The following MEIKIN variants were observed in gnomAD, a reference collection of about 807,000 sequenced individuals.
The protein encoded by MEIKIN is meiotic kinetochore factor, also known as meiosis-specific kinetochore protein.
intron 11 of MEIKIN, among the ~76,000 whole-genome samples, chr5:131,832,730 C>A (rs185342117): frequency 1.2e-3 from 179 of 152,336 alleles, no homozygotes; most frequent in African/African-American, 4.2e-3. Context: ...CTTCTGTGCA[C>A]CCACAGGCTC....
At chr5:131,839,407 T>C (rs973263714) in intron 11 of MEIKIN, among the ~76,000 whole-genome samples, 1 of 152,288 alleles carries the variant, frequency 6.6e-6, no homozygotes, top group Non-Finnish European at 1.5e-5. Context: ...TAAATATCTT[T>C]GTTAATTTTT....
At chr5:131,873,327 A>G (rs905006099) in intron 9 of MEIKIN, among the ~76,000 whole-genome samples, 10 of 152,216 alleles carry the variant, frequency 6.6e-5, no homozygotes, top group Non-Finnish European at 1.0e-4. Flanking sequence ...ATGGAAAACA[A>G]AAAAAGGCAG....
chr5:131,814,759 G>C (rs1342567176), intron 12 of MEIKIN, among the ~76,000 whole-genome samples: 7 of 152,180 alleles, frequency 4.6e-5, no homozygotes, highest in Non-Finnish European at 1.0e-4. Context: ...TCAGAACAGG[G>C]CTGGGGAAAG....
intron 5 of MEIKIN, among the ~76,000 whole-genome samples, chr5:131,930,056 G>C (rs1751661099): frequency 6.6e-6 from 1 of 152,116 alleles, no homozygotes; most frequent in Non-Finnish European, 1.5e-5. Flanking sequence ...GGATTGTTGG[G>C]TCAAATGATA....
intron 10 of MEIKIN, among the ~76,000 whole-genome samples, chr5:131,852,472 C>A (rs923898408): frequency 2.0e-5 from 3 of 152,068 alleles, no homozygotes; most frequent in Admixed American, 6.5e-5. Context: ...CAGACTAATA[C>A]ATAGGTCATA....
intron 11 of MEIKIN, among the ~76,000 whole-genome samples, chr5:131,837,244 G>A (rs1488532047): frequency 6.6e-6 from 1 of 152,140 alleles, no homozygotes; most frequent in Non-Finnish European, 1.5e-5. Context: ...CCAGTACAAT[G>A]CTGTTTTGGT....
intron 4 of MEIKIN, among the ~76,000 whole-genome samples, chr5:131,936,058 C>G (rs983209791): frequency 5.3e-5 from 8 of 152,064 alleles, no homozygotes; most frequent in African/African-American, 1.4e-4. Flanking sequence ...TCATGAATAC[C>G]CCTCATAGCT....
At chr5:131,904,134 A>G (rs948996606) in intron 8 of MEIKIN, among the ~76,000 whole-genome samples, 3 of 152,204 alleles carry the variant, frequency 2.0e-5, no homozygotes, top group Non-Finnish European at 2.9e-5. Flanking sequence ...TCCTAAATAT[A>G]TATGCACCTA....
chr5:131,941,230 C>T, intron 4 of MEIKIN, among the ~76,000 whole-genome samples: 1 of 120,088 alleles, frequency 8.3e-6, no homozygotes, highest in Non-Finnish European at 1.6e-5. Flanking sequence ...ACAATCTTGG[C>T]TCACTGCAAC....
intron 9 of MEIKIN, among the ~76,000 whole-genome samples, chr5:131,858,715 A>C (rs1183500237): frequency 2.6e-5 from 4 of 152,256 alleles, no homozygotes; most frequent in African/African-American, 9.6e-5. Flanking sequence ...AGGATATATA[A>C]GGAACTTAAA....
chr5:131,927,341 T>G (rs1173141328), intron 5 of MEIKIN, among the ~76,000 whole-genome samples: 1 of 152,250 alleles, frequency 6.6e-6, no homozygotes, highest in Non-Finnish European at 1.5e-5. Flanking sequence ...ATACTTGGTA[T>G]GTTTTCAGTC....
At chr5:131,890,974 A>G (rs1750902751) in intron 8 of MEIKIN, among the ~76,000 whole-genome samples, 1 of 152,126 alleles carries the variant, frequency 6.6e-6, no homozygotes, top group Non-Finnish European at 1.5e-5. Flanking sequence ...TTCGTTATGT[A>G]CCCAGTAGTC....
intron 11 of MEIKIN, among the ~76,000 whole-genome samples, chr5:131,831,167 G>A (rs1749709992): frequency 6.6e-6 from 1 of 152,156 alleles, no homozygotes; most frequent in Admixed American, 6.5e-5. Flanking sequence ...CAAAGTGCTG[G>A]GATTACAGGC....
chr5:131,862,721 G>T (rs1286949369), intron 9 of MEIKIN, among the ~76,000 whole-genome samples: 1 of 151,972 alleles, frequency 6.6e-6, no homozygotes, highest in African/African-American at 2.4e-5. Context: ...TAAAAGACAA[G>T]GTCTTAACTT....
intron 11 of MEIKIN, among the ~76,000 whole-genome samples, chr5:131,828,702 T>TTA (rs1422205471): frequency 6.6e-6 from 1 of 152,152 alleles, no homozygotes; most frequent in Non-Finnish European, 1.5e-5. Flanking sequence ...TTCTACCACA[T>TTA]TATATAGAAA....
chr5:131,900,844 G>C lies in MEIKIN; in HGVS notation c.703+10971C>G, dbSNP rs76534877. 5.5e-3 allele frequency among the ~76,000 whole-genome samples: 832 copies of C among 152,270 alleles called. 12 individuals are homozygous for C. The highest frequency in any genetic ancestry group is 0.019 in the African/African-American group (799 of 41,540). On this transcript the variant is annotated intron_variant, in intron 8 of 12. Coordinates refer to ENST00000442687, the MANE Select transcript of MEIKIN (RefSeq NM_001303622.2). ...TCCTGACTGGTACAGAGCTCCAGGA[G>C]AGCAGACACTGTGGATGTACGCCAG... is the stretch of plus-strand genomic sequence containing the variant.
chr5:131,881,054 C>T (rs1580887627), intron 8 of MEIKIN, among the ~76,000 whole-genome samples: 2 of 152,258 alleles, frequency 1.3e-5, no homozygotes, highest in South Asian at 4.2e-4. Context: ...GGGTAAGAAG[C>T]AACAGGTGGG....
chr5:131,826,726 T>G (rs1239380596), intron 11 of MEIKIN, among the ~76,000 whole-genome samples: 3 of 151,870 alleles, frequency 2.0e-5, no homozygotes, highest in Non-Finnish European at 4.4e-5. Flanking sequence ...GATACGTGTG[T>G]GGCACTTCCC....
intron 9 of MEIKIN, among the ~76,000 whole-genome samples, chr5:131,863,089 T>G (rs1466059366): frequency 6.6e-6 from 1 of 152,214 alleles, no homozygotes; most frequent in African/African-American, 2.4e-5. Context: ...AAGTACTGTA[T>G]AGTTTCCAAA....
Sources: gnomAD v4.1 joint callset for allele counts (sites outside exome capture counted in the v4.1 genomes callset) on GRCh38, gnomAD v4.1.1 for gene constraint, MANE v1.5 for transcripts, NCBI Gene and HGNC (gene_info 2026-07-23, HGNC 2026-07-21) for gene names.